The following HHIP variants were observed in gnomAD, a reference collection of about 807,000 sequenced individuals.
HHIP encodes hedgehog-interacting protein.
HHIP carries 12 observed loss-of-function variants against 74.0 expected under a neutral mutation model. That is an observed-to-expected ratio of 0.16 (90% CI 0.10 to 0.26). The LOEUF (loss-of-function observed/expected upper bound fraction) is 0.26, where lower values mean the gene tolerates loss of function less well. HHIP is among the 10% of genes least tolerant of loss of function. HHIP has a pLI of 1.00. For missense variants in HHIP, 788 were observed against 845.0 expected, an observed-to-expected ratio of 0.93 and a Z score of 0.84; for synonymous variants, 309 against 311.6, an observed-to-expected ratio of 0.99 and a Z score of 0.09.
intron 1 of HHIP, chr4:144,650,675 C>T (rs1728394348): frequency 6.6e-6 from 1 of 152,076 alleles, no homozygotes; most frequent in Non-Finnish European, 1.5e-5. Context: ...ACACTGCAGA[C>T]CTCACACAGA....
chr4:144,728,551 C>A (rs933035737), intron 11 of HHIP, among the ~76,000 whole-genome samples: 4 of 151,442 alleles, frequency 2.6e-5, no homozygotes, highest in African/African-American at 9.7e-5. Context: ...GTTTTTTTTC[C>A]TCTTTATTCT....
chr4:144,683,639 C>T (rs2126624660), intron 4 of HHIP, among the ~76,000 whole-genome samples: 1 of 152,216 alleles, frequency 6.6e-6, no homozygotes, highest in Admixed American at 6.5e-5. Context: ...GACTTAGATT[C>T]AGGCTTGACA....
At chr4:144,692,460 G>A (rs759402157) in intron 4 of HHIP, among the ~76,000 whole-genome samples, 1 of 152,128 alleles carries the variant, frequency 6.6e-6, no homozygotes, top group Non-Finnish European at 1.5e-5. Context: ...GGGAGATGCT[G>A]TTCTTTCTTT....
chr4:144,732,540 C>T lies in HHIP; in HGVS notation c.1761-2201C>T, dbSNP rs577352266. ...GAGAAACAGGGGTCAGACACTCTCC[C>T]CTAAAGAATAGCCCTTCAGTATCAG... On this transcript the variant is annotated intron_variant, in intron 11 of 12. Transcript: ENST00000296575. Among the ~76,000 whole-genome samples the T allele has an allele frequency of 1.1e-3, 169 of 152,212 alleles. 1 individual carries two copies. The highest frequency in any genetic ancestry group is 2.9e-4 in the Non-Finnish European group (20 of 68,006).
At chr4:144,694,951 T>C (rs1729772063) in intron 4 of HHIP, among the ~76,000 whole-genome samples, 1 of 151,848 alleles carries the variant, frequency 6.6e-6, no homozygotes, top group East Asian at 1.9e-4. Flanking sequence ...GTTCTTATGT[T>C]TGTAAGATTA....
rs539820003 is a variant in HHIP, at chr4:144,724,339, T to A, written c.1760+5383T>A. On this transcript the variant is annotated intron_variant, in intron 11 of 12. Coordinates refer to ENST00000296575, the MANE Select transcript of HHIP (RefSeq NM_022475.3). Reference sequence around the variant, plus strand: ...GTTATTTTAAAGGGTTTATGTCTTATTTTTAAAAACCATCATATGCTTTTA... The same window carrying A: ...GTTATTTTAAAGGGTTTATGTCTTAATTTTAAAAACCATCATATGCTTTTA... 7.2e-5 allele frequency among the ~76,000 whole-genome samples: 11 copies of A among 152,314 alleles called. No individual in the cohort carries two copies. In the South Asian group the frequency reaches 2.3e-3, roughly 32 times the overall value.
At chr4:144,732,249 A>C (rs921006611) in intron 11 of HHIP, among the ~76,000 whole-genome samples, 1 of 152,210 alleles carries the variant, frequency 6.6e-6, no homozygotes, top group African/African-American at 2.4e-5. Context: ...GTTATTTATC[A>C]ACTGTGTAGA....
chr4:144,678,810 G>A (rs1729247968), intron 4 of HHIP, among the ~76,000 whole-genome samples: 1 of 151,988 alleles, frequency 6.6e-6, no homozygotes, highest in Admixed American at 6.6e-5. Flanking sequence ...ATTTCGGTTG[G>A]TTCTTTGCTA....
In HHIP at chr4:144,707,227, C is replaced by T. The variant is rs780487040; in HGVS notation, c.1124C>T (p.Thr375Ile). 1 of 1,613,446 alleles carries T rather than the reference C, an allele frequency of 6.2e-7. No homozygotes were observed. The highest frequency in any genetic ancestry group is 1.1e-5 in the South Asian group (1 of 90,912). The change falls in exon 6 of 13, where the codon ACA (threonine) becomes ATA (isoleucine). Residue 375 changes from threonine to isoleucine, a missense_variant. Transcript: ENST00000296575. ...ATCATTCTTGGTGATGGGATGATTA[C>T]ACTGGATGATATGGAAGAAATGGAT... ...LYIILGDGMI[T>I]LDDMEEMDGL...
At chr4:144,696,285 T>TC (rs57537627) in intron 4 of HHIP, among the ~76,000 whole-genome samples, 5 of 151,798 alleles carry the variant, frequency 3.3e-5, no homozygotes, top group African/African-American at 1.2e-4. Flanking sequence ...CTTTTTTTTT[T>TC]CCCAAACAGG....
rs1731253013 is a variant in HHIP, at chr4:144,741,161, A to G, written c.*3204A>G. The G allele has an allele frequency of 6.6e-6, 1 of 151,550 alleles. No homozygotes were observed. Among genetic ancestry groups the G allele is most frequent in the South Asian group, 2.1e-4 (1 of 4,812 alleles). 9.4% of individuals were successfully genotyped at this position (151,550 alleles called of 1,614,324 possible). On this transcript the variant is annotated 3_prime_UTR_variant, in exon 13 of 13. Transcript: ENST00000296575. ...GTAAAATATATTTTTTTATTTTATC[A>G]TGAAGAATACTCGGAAGGTTTCTCA...
In HHIP at chr4:144,711,931, A is replaced by G; in HGVS notation, c.1302-19A>G. On this transcript the variant is annotated intron_variant, in intron 7 of 12. Coordinates refer to ENST00000296575, the MANE Select transcript of HHIP (RefSeq NM_022475.3). Reference sequence around the variant, plus strand: ...AAGATCACGGTAGGAATTAATGTGTATCCCCTCTTGTTATGCAGATGTGCT... The same window carrying G: ...AAGATCACGGTAGGAATTAATGTGTGTCCCCTCTTGTTATGCAGATGTGCT... 6.2e-7 allele frequency: 1 copy of G among 1,609,264 alleles called. No homozygotes were observed. Among genetic ancestry groups the G allele is most frequent in the Non-Finnish European group, 8.5e-7 (1 of 1,177,902 alleles).
At chr4:144,651,579 G>A (rs1331989940) in intron 1 of HHIP, among the ~76,000 whole-genome samples, 1 of 151,992 alleles carries the variant, frequency 6.6e-6, no homozygotes, top group Non-Finnish European at 1.5e-5. Flanking sequence ...TATAAATATA[G>A]ATGAATTGGG....
At position 144,744,821 on chromosome 4, in the gene HHIP, C is replaced by T. The variant is rs2126705586; in HGVS notation, c.*6864C>T. The T allele has an allele frequency of 6.6e-6, 1 of 152,196 alleles. No individual in the cohort carries two copies. Among genetic ancestry groups the T allele is most frequent in the African/African-American group, 2.4e-5 (1 of 41,530 alleles). The allele number at this position is 152,196 out of a possible 1,614,324, so 9.4% of individuals were successfully genotyped here. On this transcript the variant is annotated 3_prime_UTR_variant, in exon 13 of 13. Coordinates refer to ENST00000296575, the MANE Select transcript of HHIP (RefSeq NM_022475.3). Reference sequence around the variant, plus strand: ...ATCGGCATCATAAGCATGTCTGAAGCAAAAGACAATAATCACATCCAACGG... The same window carrying T: ...ATCGGCATCATAAGCATGTCTGAAGTAAAAGACAATAATCACATCCAACGG...
At chr4:144,688,381 A>C (rs923442677) in intron 4 of HHIP, among the ~76,000 whole-genome samples, 1 of 152,172 alleles carries the variant, frequency 6.6e-6, no homozygotes, top group African/African-American at 2.4e-5. Flanking sequence ...CTATAGAATT[A>C]ATTGGAGAGT....
At position 144,741,313 on chromosome 4, in the gene HHIP, C is replaced by A. The variant is rs1331949254; in HGVS notation, c.*3356C>A. 2.1e-5 allele frequency: 3 copies of A among 140,506 alleles called. No individual in the cohort carries two copies. Among genetic ancestry groups the A allele is most frequent in the Admixed American group, 7.2e-5 (1 of 13,946 alleles). The allele number at this position is 140,506 out of a possible 1,614,324, so 8.7% of individuals were successfully genotyped here. ...GAAGTTACTTCTTCCCTATTTATTT[C>A]TTTGAAAATAATTACAAAATAGTAT... On this transcript the variant is annotated 3_prime_UTR_variant, in exon 13 of 13. Transcript: ENST00000296575.
In HHIP at chr4:144,707,165, A is replaced by T; in HGVS notation, c.1062A>T (p.Gly354=). 6.2e-7 allele frequency: 1 copy of T among 1,613,958 alleles called. No individual in the cohort carries two copies. Among genetic ancestry groups the T allele is most frequent in the African/African-American group, 1.3e-5 (1 of 75,026 alleles). ...EVAELHRKHL[G]GQLLFGPDGF... Reference sequence around the variant, plus strand: ...CAGAACTCCACAGAAAGCATCTGGGAGGACAACTGCTCTTTGGCCCTGACG... The same window carrying T: ...CAGAACTCCACAGAAAGCATCTGGGTGGACAACTGCTCTTTGGCCCTGACG... Residue 354 remains glycine, a synonymous_variant, in exon 6 of 13, where the codon GGA becomes GGT. Transcript: ENST00000296575.
intron 10 of HHIP, 147 bp downstream of exon 10, chr4:144,715,577 AG>A: frequency 1.6e-6 from 1 of 632,630 alleles, no homozygotes; most frequent in African/African-American, 1.8e-5. Context: ...CCAGAGATTA[AG>A]ATAGTCCAGT....
intron 7 of HHIP, among the ~76,000 whole-genome samples, chr4:144,709,382 G>A (rs1276948216): frequency 6.6e-6 from 1 of 152,132 alleles, no homozygotes; most frequent in Non-Finnish European, 1.5e-5. Flanking sequence ...ACACTTTGAA[G>A]TCAGGCAGCC....
Sources: gnomAD v4.1 joint callset for allele counts (sites outside exome capture counted in the v4.1 genomes callset) on GRCh38, gnomAD v4.1.1 for gene constraint, MANE v1.5 for transcripts, NCBI Gene and HGNC (gene_info 2026-07-23, HGNC 2026-07-21) for gene names.